NOVA1: variants seen among roughly 807,000 people sequenced by gnomAD.
NOVA1 encodes RNA-binding protein Nova-1.
NOVA1 carries 7 observed loss-of-function variants against 38.0 expected under a neutral mutation model. The ratio of observed to expected loss-of-function variants is 0.18; its 90% confidence interval spans 0.10 to 0.35. The LOEUF (loss-of-function observed/expected upper bound fraction) is 0.35, where lower values mean the gene tolerates loss of function less well. Among genes scored for constraint, NOVA1 ranks in the 10% least tolerant of loss-of-function variants. The pLI is 1.00. For missense variants in NOVA1, 460 were observed against 616.0 expected (o/e 0.75, Z 2.68); for synonymous variants, 270 against 232.5 (o/e 1.16, Z -1.47).
At chr14:26,472,630 T>C (rs1884677627) in intron 3 of NOVA1, among the ~76,000 whole-genome samples, 2 of 151,928 alleles carry the variant, frequency 1.3e-5, no homozygotes, top group South Asian at 4.1e-4. Context: ...TGGTGACTGA[T>C]AAAAATTCAC....
At chr14:26,567,204 T>G (rs1409457402) in intron 2 of NOVA1, among the ~76,000 whole-genome samples, 1 of 151,996 alleles carries the variant, frequency 6.6e-6, no homozygotes, top group Non-Finnish European at 1.5e-5. Context: ...TAATCAAATT[T>G]AATTGTAATT....
chr14:26,485,286 T>C (rs887479681), intron 2 of NOVA1, among the ~76,000 whole-genome samples: 2 of 152,134 alleles, frequency 1.3e-5, no homozygotes, highest in African/African-American at 4.8e-5. Flanking sequence ...AAGGCCTTTT[T>C]TATCTACAAA....
chr14:26,502,623 C>CTTA (rs1887321028), intron 2 of NOVA1, among the ~76,000 whole-genome samples: 1 of 148,442 alleles, frequency 6.7e-6, no homozygotes, highest in Non-Finnish European at 1.5e-5. Context: ...AAAAAAAAGC[C>CTTA]TACTTATAGT....
intron 2 of NOVA1, among the ~76,000 whole-genome samples, chr14:26,548,935 CTA>C: frequency 6.6e-6 from 1 of 152,070 alleles, no homozygotes; most frequent in African/African-American, 2.4e-5. Context: ...CAGTGAGACC[CTA>C]TCTCTACAGA....
intron 2 of NOVA1, among the ~76,000 whole-genome samples, chr14:26,522,011 T>A (rs910358635): frequency 6.6e-6 from 1 of 152,056 alleles, no homozygotes; most frequent in African/African-American, 2.4e-5. Context: ...TTAATACTGA[T>A]CTAGAATGAA....
intron 2 of NOVA1, among the ~76,000 whole-genome samples, chr14:26,527,784 G>C (rs912470238): frequency 2.0e-5 from 3 of 152,108 alleles, no homozygotes; most frequent in African/African-American, 4.8e-5. Flanking sequence ...CACACATGTC[G>C]ATTTCTCAAA....
intron 2 of NOVA1, among the ~76,000 whole-genome samples, chr14:26,520,625 T>C (rs1173275234): frequency 1.3e-5 from 2 of 152,172 alleles, no homozygotes; most frequent in African/African-American, 4.8e-5. Flanking sequence ...GTCAGGTGAC[T>C]CAAATTCTTT....
At chr14:26,508,220 A>G (rs1048227167) in intron 2 of NOVA1, among the ~76,000 whole-genome samples, 2 of 152,092 alleles carry the variant, frequency 1.3e-5, no homozygotes, top group Non-Finnish European at 2.9e-5. Flanking sequence ...TTCTTGTATT[A>G]ACTTCTTTAT....
intron 3 of NOVA1, among the ~76,000 whole-genome samples, chr14:26,478,415 G>A (rs191348001): frequency 4.0e-4 from 61 of 151,922 alleles, no homozygotes; most frequent in African/African-American, 1.4e-3. Context: ...ATCCCTAAAT[G>A]TTTGAATTTT....
chr14:26,508,573 C>CAT lies in NOVA1; in HGVS notation c.281-28431_281-28430insAT, dbSNP rs1380935831. Among the ~76,000 whole-genome samples the CAT allele has an allele frequency of 4.6e-5, 7 of 151,790 alleles. No homozygotes were observed. In the South Asian group the frequency reaches 1.3e-3, roughly 27 times the overall value. ...ATGTACATACACACACACACACACA[C>CAT]ACACCATTTATCCGCATACACTTAA... On this transcript the variant is annotated intron_variant, in intron 2 of 4. Transcript: ENST00000539517.
intron 2 of NOVA1, among the ~76,000 whole-genome samples, chr14:26,536,467 T>C (rs995124923): frequency 6.6e-6 from 1 of 152,046 alleles, no homozygotes; most frequent in Non-Finnish European, 1.5e-5. Context: ...AAACATTTCA[T>C]GTGCTCCATA....
At chr14:26,475,817 T>C (rs1405822357) in intron 3 of NOVA1, among the ~76,000 whole-genome samples, 1 of 152,156 alleles carries the variant, frequency 6.6e-6, no homozygotes, top group Non-Finnish European at 1.5e-5. Context: ...TTACAAATTA[T>C]GAGATGAATT....
intron 2 of NOVA1, among the ~76,000 whole-genome samples, chr14:26,487,877 A>G (rs140696372): frequency 0.011 from 1,610 of 152,254 alleles, 22 homozygotes; most frequent in Middle Eastern, 0.037. Flanking sequence ...GCTATTAGTA[A>G]GATTTTTTAG....
intron 2 of NOVA1, among the ~76,000 whole-genome samples, chr14:26,509,258 G>A (rs1283999234): frequency 6.6e-6 from 1 of 152,066 alleles, no homozygotes; most frequent in Non-Finnish European, 1.5e-5. Context: ...TGAAAGAAAT[G>A]TTTTAAACCA....
intron 2 of NOVA1, among the ~76,000 whole-genome samples, chr14:26,585,731 G>T (rs1249883466): frequency 6.6e-6 from 1 of 151,090 alleles, no homozygotes; most frequent in Non-Finnish European, 1.5e-5. Flanking sequence ...TTTCAGAGGT[G>T]GCTTTAACAT....
chr14:26,576,309 C>G (rs2138744237), intron 2 of NOVA1, among the ~76,000 whole-genome samples: 1 of 151,288 alleles, frequency 6.6e-6, no homozygotes, highest in South Asian at 2.1e-4. Flanking sequence ...ACTGTATATA[C>G]TTAAGGTGTA....
intron 2 of NOVA1, among the ~76,000 whole-genome samples, chr14:26,524,790 G>A (rs963385507): frequency 2.0e-4 from 31 of 152,062 alleles, no homozygotes; most frequent in Admixed American, 2.0e-4. Context: ...CATAACTCAA[G>A]TAATCACTTC....
chr14:26,509,797 C>T (rs1194598376), intron 2 of NOVA1, among the ~76,000 whole-genome samples: 1 of 152,206 alleles, frequency 6.6e-6, no homozygotes, highest in Non-Finnish European at 1.5e-5. Context: ...TCTCCTGCCT[C>T]AGCCTCCTGA....
intron 2 of NOVA1, among the ~76,000 whole-genome samples, chr14:26,577,386 T>C (rs1212106051): frequency 6.6e-6 from 1 of 152,118 alleles, no homozygotes; most frequent in Non-Finnish European, 1.5e-5. Flanking sequence ...GAATTATCTT[T>C]GAAATTGTAA....
Sources: allele counts gnomAD v4.1 joint callset (sites outside exome capture counted in the v4.1 genomes callset), GRCh38; gene constraint gnomAD v4.1.1; transcripts MANE v1.5; gene names NCBI Gene and HGNC (gene_info 2026-07-23, HGNC 2026-07-21).